The following KCTD20 variants were observed in gnomAD, a reference collection of about 807,000 sequenced individuals.
The protein encoded by KCTD20 is potassium channel tetramerization domain containing 20.
KCTD20 carries 30 observed loss-of-function variants against 39.6 expected under a neutral mutation model. That is an observed-to-expected ratio of 0.76 (90% CI 0.57 to 1.03). The LOEUF is 1.03. KCTD20 is among the 50% of genes least tolerant of loss of function. The probability of loss-of-function intolerance (pLI) is 0.00; values close to 1 mark genes in which losing one functional copy is unlikely to be tolerated. For synonymous variants in KCTD20, 162 were observed against 180.6 expected (o/e 0.90, Z 0.83); for missense variants, 422 against 522.0 (o/e 0.81, Z 1.87).
chr6:36,467,351 TTTTTTG>T (rs1415480880), intron 1 of KCTD20, among the ~76,000 whole-genome samples: 4 of 29,026 alleles, frequency 1.4e-4, no homozygotes, highest in Non-Finnish European at 2.2e-4. Context: ...TTTTTTTTTT[TTTTTTG>T]AGACGGAGTT....
At chr6:36,466,368 TTGC>T (rs749375521) in intron 1 of KCTD20, among the ~76,000 whole-genome samples, 154 of 150,344 alleles carry the variant, frequency 1.0e-3, no homozygotes, top group African/African-American at 3.6e-3. Context: ...TGGCTGTGTT[TTGC>T]TGCTTTTTTT....
intron 6 of KCTD20, among the ~76,000 whole-genome samples, chr6:36,483,144 C>T (rs538598933): frequency 1.3e-5 from 2 of 150,482 alleles, no homozygotes; most frequent in African/African-American, 4.9e-5. Context: ...AAAATTATAC[C>T]TTTATAATTT....
intron 7 of KCTD20, among the ~76,000 whole-genome samples, chr6:36,485,773 T>G (rs963770835): frequency 4.2e-4 from 64 of 152,158 alleles, no homozygotes; most frequent in Admixed American, 8.5e-4. Context: ...ATTACAGATG[T>G]GAGCCACGGC....
chr6:36,450,593 C>T (rs9462186), intron 1 of KCTD20, among the ~76,000 whole-genome samples: 38,981 of 152,018 alleles, frequency 0.26, 5,473 homozygotes, highest in East Asian at 0.39. Flanking sequence ...TTTCACGTGA[C>T]TGGCTTTACC....
chr6:36,469,956 T>C lies in KCTD20; in HGVS notation c.-46-96T>C, dbSNP rs1775863146. On this transcript the variant is annotated intron_variant, in intron 1 of 7. Coordinates refer to ENST00000373731, the MANE Select transcript of KCTD20 (RefSeq NM_173562.5). The surrounding 1 kb of genome is among the most constrained non-coding windows in gnomAD (Gnocchi z 4.6). ...TGCCTATTTCTCCTGAGAACAGGAA[T>C]GCTAGCTGTCAGTTTTCTAGTTTTG... The C allele has an allele frequency of 1.7e-6, 1 of 603,832 alleles. No homozygotes were observed. The highest frequency in any genetic ancestry group is 2.7e-6 in the Non-Finnish European group (1 of 372,262). 37.4% of individuals were successfully genotyped at this position (603,832 alleles called of 1,614,324 possible). A position where few individuals can be genotyped will look rare whatever the true frequency, so the allele number is the denominator to read the frequency against.
At chr6:36,457,657 T>C (rs1406340856) in intron 1 of KCTD20, among the ~76,000 whole-genome samples, 1 of 152,106 alleles carries the variant, frequency 6.6e-6, no homozygotes, top group Admixed American at 6.6e-5. Context: ...GAGACTACAG[T>C]GAGTCATGAT....
chr6:36,482,847 G>C (rs1009827324), intron 6 of KCTD20, among the ~76,000 whole-genome samples: 4 of 150,322 alleles, frequency 2.7e-5, no homozygotes, highest in African/African-American at 9.8e-5. Flanking sequence ...TCTGGAGGCT[G>C]AAACAGGAGA....
At chr6:36,474,704 T>C (rs994697578) in intron 2 of KCTD20, 85 bp from the exon 3 acceptor site, 1 of 1,292,030 alleles carries the variant, frequency 7.7e-7, no homozygotes, top group South Asian at 1.7e-5. Context: ...TTTGTTTGTT[T>C]ACTTGTTTTA....
chr6:36,464,988 T>A (rs1310882785), intron 1 of KCTD20, among the ~76,000 whole-genome samples: 2 of 152,152 alleles, frequency 1.3e-5, no homozygotes, highest in African/African-American at 4.8e-5. Flanking sequence ...TACTGCCTTT[T>A]GAAAGATCAT....
At chr6:36,451,384 T>C (rs969982799) in intron 1 of KCTD20, 1 of 152,256 alleles carries the variant, frequency 6.6e-6, no homozygotes, top group African/African-American at 2.4e-5. Flanking sequence ...CACGTGATTC[T>C]ACAGTTAAGG....
rs565236303 is a variant in KCTD20 at position 36,477,093 on chromosome 6, G to A, written c.435-2028G>A. On this transcript the variant is annotated intron_variant, in intron 3 of 7. Transcript: ENST00000373731. ...TGGTTCATTCAGCTGAATTGGCAAG[G>A]TCGTAAATTCTGTAAGTTATTTAGA... Among the ~76,000 whole-genome samples the A allele has an allele frequency of 7.7e-4, 118 of 152,288 alleles. 1 individual carries two copies. Among genetic ancestry groups the A allele is most frequent in the Admixed American group, 5.2e-4 (8 of 15,296 alleles).
At position 36,469,225 on chromosome 6, in the gene KCTD20, A is replaced by G. The variant is rs547694876; in HGVS notation, c.-46-827A>G. On this transcript the variant is annotated intron_variant, in intron 1 of 7. Coordinates refer to ENST00000373731, the MANE Select transcript of KCTD20 (RefSeq NM_173562.5). The surrounding 1 kb of genome is among the most constrained non-coding windows in gnomAD (Gnocchi z 4.6). Reference sequence around the variant, plus strand: ...GAAATTTGTACAGTGTAAACTGTGAAAGTGCTAAGTAGAGTGAACTTCAGA... The same window carrying G: ...GAAATTTGTACAGTGTAAACTGTGAGAGTGCTAAGTAGAGTGAACTTCAGA... Among the ~76,000 whole-genome samples, 3 of 152,330 alleles carry G rather than the reference A, an allele frequency of 2.0e-5. No homozygotes were observed. In the South Asian group the frequency reaches 6.2e-4, roughly 32 times the overall value.
At chr6:36,477,771 A>G in intron 3 of KCTD20, among the ~76,000 whole-genome samples, 1 of 141,306 alleles carries the variant, frequency 7.1e-6, no homozygotes, top group South Asian at 2.5e-4. Flanking sequence ...GGCGTGAGCC[A>G]CCACACCCGG....
At position 36,469,898 on chromosome 6, in the gene KCTD20, C is replaced by T. The variant is rs1227642556; in HGVS notation, c.-46-154C>T. ...AAGACCATTTAAATCAGCCTGATTCCTATCGATATAAAAATCACAAAAATG... is the reference window on the plus strand; with the variant it reads ...AAGACCATTTAAATCAGCCTGATTCTTATCGATATAAAAATCACAAAAATG... On this transcript the variant is annotated intron_variant, in intron 1 of 7. Transcript: ENST00000373731. This position sits in a 1 kb window ranked among gnomAD's most constrained non-coding sequence, Gnocchi z 4.6. Among the ~76,000 whole-genome samples the T allele has an allele frequency of 6.6e-6, 1 of 152,162 alleles. No homozygotes were observed. Among genetic ancestry groups the T allele is most frequent in the African/African-American group, 2.4e-5 (1 of 41,428 alleles).
chr6:36,470,941 G>A (rs1227181895), intron 2 of KCTD20, among the ~76,000 whole-genome samples: 3 of 152,172 alleles, frequency 2.0e-5, no homozygotes, highest in Non-Finnish European at 4.4e-5. Flanking sequence ...CTTGAGGTCA[G>A]GACTTCAAGA....
intron 1 of KCTD20, among the ~76,000 whole-genome samples, chr6:36,446,592 T>C (rs2127424659): frequency 6.6e-6 from 1 of 152,246 alleles, no homozygotes; most frequent in East Asian, 1.9e-4. Context: ...TTCCAGACCA[T>C]CCTGGGCAAC....
At chr6:36,475,756 A>T (rs537264771) in intron 3 of KCTD20, among the ~76,000 whole-genome samples, 1 of 137,506 alleles carries the variant, frequency 7.3e-6, no homozygotes, top group Admixed American at 7.1e-5. Context: ...TTTTAAAAAA[A>T]AAAATAACAG....
intron 3 of KCTD20, among the ~76,000 whole-genome samples, chr6:36,475,345 A>C (rs1776032589): frequency 6.6e-6 from 1 of 151,836 alleles, no homozygotes; most frequent in Non-Finnish European, 1.5e-5. Flanking sequence ...GCTACTTGGG[A>C]GGCTGAGGCA....
At chr6:36,484,463 G>A (rs1230876256) in intron 6 of KCTD20, among the ~76,000 whole-genome samples, 4 of 152,132 alleles carry the variant, frequency 2.6e-5, no homozygotes, top group African/African-American at 9.7e-5. Flanking sequence ...ATGCAGAGAT[G>A]TTGTATTTCT....
Sources: allele counts gnomAD v4.1 joint callset (sites outside exome capture counted in the v4.1 genomes callset), GRCh38; gene constraint gnomAD v4.1.1; non-coding constraint Gnocchi (gnomAD v3.1); transcripts MANE v1.5; gene names NCBI Gene and HGNC (gene_info 2026-07-23, HGNC 2026-07-21).